Variants in TOGARAM2 observed in about 807,000 individuals in gnomAD.
TOGARAM2 encodes TOG array regulator of axonemal microtubules 2.
Under a neutral mutation model 93.3 loss-of-function variants are expected in TOGARAM2, and 85 were observed. The ratio of observed to expected loss-of-function variants is 0.91; its 90% CI spans 0.76 to 1.09. The LOEUF is 1.09. TOGARAM2 is among the 50% of genes least tolerant of loss of function. The pLI, the probability that TOGARAM2 is intolerant of heterozygous loss-of-function variation, is 0.00. For missense variants in TOGARAM2, 1,277 were observed against 1,334.5 expected, an observed-to-expected ratio of 0.96 and a Z score of 0.67; for synonymous variants, 593 against 552.8, an observed-to-expected ratio of 1.07 and a Z score of -1.02.
intron 1 of TOGARAM2, among the ~76,000 whole-genome samples, chr2:28,965,543 T>G (rs1394750868): frequency 6.6e-6 from 1 of 152,208 alleles, no homozygotes; most frequent in Non-Finnish European, 1.5e-5. Context: ...TCTTTCTGAA[T>G]AGTTGGGACT....
intron 18 of TOGARAM2, among the ~76,000 whole-genome samples, chr2:29,041,096 C>T (rs879340687): frequency 5.0e-4 from 74 of 147,972 alleles, no homozygotes; most frequent in African/African-American, 1.8e-3. Flanking sequence ...ACAATCTGGG[C>T]GCACTGCAAC....
intron 1 of TOGARAM2, among the ~76,000 whole-genome samples, chr2:28,965,366 A>G (rs1671853598): frequency 6.6e-6 from 1 of 151,214 alleles, no homozygotes; most frequent in African/African-American, 2.4e-5. Context: ...TGACTTTTGG[A>G]TTGAATAATT....
chr2:29,002,803 C>T (rs939188979), intron 5 of TOGARAM2, 56 bp downstream of exon 5: 1 of 1,520,634 alleles, frequency 6.6e-7, no homozygotes, highest in South Asian at 1.2e-5. Context: ...CTCCCTTCCT[C>T]CTGCCTTTCT....
intron 17 of TOGARAM2, 110 bp from the exon 18 acceptor site, chr2:29,036,431 T>C: frequency 1.1e-6 from 1 of 897,780 alleles, no homozygotes; most frequent in Non-Finnish European, 1.8e-6. Context: ...GCAGGAGGAG[T>C]CTCTGCTGAG....
chr2:29,014,973 G>T (rs1178351789), intron 8 of TOGARAM2, among the ~76,000 whole-genome samples: 3 of 152,178 alleles, frequency 2.0e-5, no homozygotes, highest in Non-Finnish European at 4.4e-5. Context: ...CTGACTCAGG[G>T]CTGATCAGCC....
Position 28,959,751 on chromosome 2 carries a change from G to GA in TOGARAM2, c.-147+3062dup, listed in dbSNP as rs573566073. On this transcript the variant is annotated intron_variant, in intron 1 of 6. Coordinates refer to the TOGARAM2 transcript ENST00000401723. ...GAGTGAGACTCTGGCTCAAAAAAAA[G>GA]AAAAAAAAGAATAGTATGATGATCT... Among the ~76,000 whole-genome samples, 31 of 151,678 alleles carry GA rather than the reference G, an allele frequency of 2.0e-4. 1 individual carries two copies. The East Asian group carries it at 2.7e-3, about 13-fold the overall frequency.
At position 29,043,318 on chromosome 2, in the gene TOGARAM2, C is replaced by T. The variant is rs1173327873; in HGVS notation, c.2636-2006C>T. ...CCTGGGTACATTTTCTCCTCTGTAT[C>T]CCTCAGGAGGACAGCAAGGGAAGCA... On this transcript the variant is annotated intron_variant, in intron 18 of 19. Coordinates refer to ENST00000379558, the MANE Select transcript of TOGARAM2 (RefSeq NM_199280.4). Among the ~76,000 whole-genome samples, 5 of 152,288 alleles carry T rather than the reference C, an allele frequency of 3.3e-5. No individual in the cohort carries two copies. The East Asian group carries it at 9.6e-4, about 29-fold the overall frequency.
intron 1 of TOGARAM2, among the ~76,000 whole-genome samples, 156 bp downstream of exon 1, chr2:28,981,694 GCTGTGTGACCGT>G (rs1672200477): frequency 6.6e-6 from 1 of 152,268 alleles, no homozygotes; most frequent in South Asian, 2.1e-4. Flanking sequence ...TGACTTGGAG[GCTGTGTGACCGT>G]GGGGATGTCT....
At chr2:29,035,773 C>G in intron 17 of TOGARAM2, 117 bp downstream of exon 17, 1 of 1,053,492 alleles carries the variant, frequency 9.5e-7, no homozygotes, top group Non-Finnish European at 1.3e-6. Context: ...TGCAGTTGGC[C>G]TTTGTAACAT....
At chr2:29,018,153 G>A in intron 10 of TOGARAM2, 197 bp downstream of exon 10, 1 of 617,622 alleles carries the variant, frequency 1.6e-6, no homozygotes. Context: ...TACAGGCTGG[G>A]CTTGGGACCC....
intron 1 of TOGARAM2, chr2:28,970,928 C>T (rs1458049743): frequency 6.6e-6 from 1 of 152,292 alleles, no homozygotes; most frequent in Non-Finnish European, 1.5e-5. Flanking sequence ...CCAGAGACCT[C>T]TGGGCCTGGC....
At chr2:29,013,674 G>A (rs1664385931) in intron 7 of TOGARAM2, among the ~76,000 whole-genome samples, 1 of 152,194 alleles carries the variant, frequency 6.6e-6, no homozygotes, top group African/African-American at 2.4e-5. Context: ...GGCAAGCAAG[G>A]TGATCCCACC....
intron 1 of TOGARAM2, among the ~76,000 whole-genome samples, chr2:28,973,425 T>TTCCCTTC (rs1204970284): frequency 2.3e-5 from 1 of 43,468 alleles, no homozygotes; most frequent in African/African-American, 7.0e-5. Flanking sequence ...CCTTCTTTCC[T>TTCCCTTC]CCCTTCCTTC....
chr2:28,979,217 G>A (rs1335304655), upstream of TOGARAM2, among the ~76,000 whole-genome samples: 1 of 152,104 alleles, frequency 6.6e-6, no homozygotes, highest in South Asian at 2.1e-4. Flanking sequence ...TCCTCGACTG[G>A]CCTGCTCCTT....
At chr2:28,994,181 G>C (rs1672874615) in intron 1 of TOGARAM2, among the ~76,000 whole-genome samples, 1 of 152,200 alleles carries the variant, frequency 6.6e-6, no homozygotes, top group Non-Finnish European at 1.5e-5. Context: ...GGGCAATGCG[G>C]TGGCTGAGGG....
At chr2:29,000,602 A>G (rs2148283716) in intron 4 of TOGARAM2, among the ~76,000 whole-genome samples, 1 of 152,300 alleles carries the variant, frequency 6.6e-6, no homozygotes, top group African/African-American at 2.4e-5. Context: ...AAGAGCAATA[A>G]GAAGTCTTGA....
chr2:29,003,534 A>G lies in TOGARAM2; in HGVS notation c.682A>G (p.Met228Val), dbSNP rs772565926. ...WQYLHCNDEK[M>V]QKSLGAIVIP... ...ATACCTGCACTGCAATGATGAGAAG[A>G]TGCAGAAGTCCCTGGGCGCCATCGT... The change falls in exon 6 of 20, where the codon ATG becomes GTG. Residue 228 changes from methionine to valine, a missense_variant. By Grantham distance (21) the Met-to-Val change is conservative (BLOSUM62 1). Coordinates refer to ENST00000379558, the MANE Select transcript of TOGARAM2 (RefSeq NM_199280.4). 20 of 1,590,082 alleles carry G rather than the reference A, an allele frequency of 1.3e-5. No homozygotes were observed. The highest frequency in any genetic ancestry group is 2.7e-5 in the African/African-American group (2 of 73,884).
intron 1 of TOGARAM2, among the ~76,000 whole-genome samples, chr2:28,987,429 G>A (rs1019309868): frequency 1.4e-4 from 21 of 151,972 alleles, no homozygotes; most frequent in Non-Finnish European, 2.2e-4. Context: ...AGCTGGGACC[G>A]CAGGCATCCA....
chr2:29,009,215 G>A (rs1398576950), intron 6 of TOGARAM2, among the ~76,000 whole-genome samples: 1 of 152,340 alleles, frequency 6.6e-6, no homozygotes, highest in East Asian at 1.9e-4. Context: ...TTGCGAGATG[G>A]AGATGGAGGT....
Sources: allele counts gnomAD v4.1 joint callset (sites outside exome capture counted in the v4.1 genomes callset), GRCh38; gene constraint gnomAD v4.1.1; transcripts MANE v1.5; gene names NCBI Gene and HGNC (gene_info 2026-07-23, HGNC 2026-07-21).